The following ZCWPW2 variants were observed in gnomAD, a reference collection of about 807,000 sequenced individuals.
ZCWPW2 encodes zinc finger CW-type and PWWP domain containing 2.
A neutral mutation model predicts 46.6 loss-of-function variants in ZCWPW2; 45 were observed. That is an observed-to-expected ratio of 0.96 (90% CI 0.76 to 1.24). The LOEUF (loss-of-function observed/expected upper bound fraction) is 1.24, where lower values mean the gene tolerates loss of function less well. ZCWPW2 is among the 50% of genes most tolerant of loss of function. The pLI is 0.00. For missense variants in ZCWPW2, 429 were observed against 403.9 expected (o/e 1.06, Z -0.53); for synonymous variants, 152 against 137.1 (o/e 1.11, Z -0.76).
chr3:28,413,659 C>G (rs1696502031), intron 3 of ZCWPW2, among the ~76,000 whole-genome samples: 1 of 151,990 alleles, frequency 6.6e-6, no homozygotes, highest in African/African-American at 2.4e-5. Context: ...TAGCTTCCTC[C>G]TACAAATTTT....
In ZCWPW2 at chr3:28,424,780, C is replaced by G. The variant is rs1465866617; in HGVS notation, c.333-10330C>G. Among the ~76,000 whole-genome samples, 3 of 152,022 alleles carry G rather than the reference C, an allele frequency of 2.0e-5. No individual in the cohort carries two copies. The East Asian group carries it at 5.8e-4, about 29-fold the overall frequency. ...TGTTACTGAGGGCTTTTCTGAAGAT[C>G]AAATGTGATAATGTTGTTTAAAAAT... On this transcript the variant is annotated intron_variant, in intron 3 of 9. Coordinates refer to ENST00000383768, the MANE Select transcript of ZCWPW2 (RefSeq NM_001040432.4).
At chr3:28,510,975 C>A (rs545678453) in intron 6 of ZCWPW2, 1 of 442,230 alleles carries the variant, frequency 2.3e-6, no homozygotes, top group African/African-American at 2.0e-5. Context: ...TGAGTCTCTA[C>A]CACCTGGTAG....
At chr3:28,396,705 A>C (rs1358686178) in intron 2 of ZCWPW2, among the ~76,000 whole-genome samples, 1 of 152,242 alleles carries the variant, frequency 6.6e-6, no homozygotes, top group Non-Finnish European at 1.5e-5. Context: ...TTGTAGAGCG[A>C]AAGTATGACA....
intron 4 of ZCWPW2, among the ~76,000 whole-genome samples, chr3:28,476,367 A>C (rs1379447428): frequency 2.0e-5 from 3 of 152,106 alleles, no homozygotes; most frequent in African/African-American, 7.2e-5. Flanking sequence ...GTTCCTTAGG[A>C]GGTTTTAATT....
intron 6 of ZCWPW2, among the ~76,000 whole-genome samples, chr3:28,510,107 A>G (rs929316787): frequency 1.3e-5 from 2 of 152,210 alleles, no homozygotes; most frequent in African/African-American, 4.8e-5. Context: ...GCTAAAAATC[A>G]GTTGACCATA....
At chr3:28,351,041 G>T (rs1382713860) in intron 1 of ZCWPW2, among the ~76,000 whole-genome samples, 3 of 151,464 alleles carry the variant, frequency 2.0e-5, no homozygotes, top group Non-Finnish European at 4.4e-5. Flanking sequence ...AAAAAGCTGT[G>T]TCCAAGGCCA....
chr3:28,359,901 C>A (rs1021285176), intron 1 of ZCWPW2, among the ~76,000 whole-genome samples: 1 of 152,006 alleles, frequency 6.6e-6, no homozygotes, highest in East Asian at 1.9e-4. Context: ...TTCATTTGGT[C>A]ACTTCTCATG....
At chr3:28,464,177 C>T (rs1303456376) in intron 4 of ZCWPW2, among the ~76,000 whole-genome samples, 1 of 151,708 alleles carries the variant, frequency 6.6e-6, no homozygotes, top group East Asian at 1.9e-4. Flanking sequence ...TGTCTTGGAG[C>T]TTGAGCAATA....
At chr3:28,390,467 A>C in intron 1 of ZCWPW2, 31 bp from the exon 2 acceptor site, 1 of 984,698 alleles carries the variant, frequency 1.0e-6, no homozygotes, top group Non-Finnish European at 1.2e-6. Flanking sequence ...TATAGTTTTA[A>C]ATTTGCTAGA....
chr3:28,458,837 A>G (rs992885088), intron 4 of ZCWPW2, among the ~76,000 whole-genome samples: 2 of 152,204 alleles, frequency 1.3e-5, no homozygotes, highest in African/African-American at 4.8e-5. Context: ...TCTTTTCGTC[A>G]TGCTTAGCGC....
At chr3:28,506,431 T>C (rs1700280877) in intron 6 of ZCWPW2, among the ~76,000 whole-genome samples, 1 of 151,992 alleles carries the variant, frequency 6.6e-6, no homozygotes, top group South Asian at 2.1e-4. Flanking sequence ...TGAATAGTAC[T>C]AGGCTAGACA....
At chr3:28,374,782 C>T (rs919159785) in intron 1 of ZCWPW2, among the ~76,000 whole-genome samples, 1 of 151,858 alleles carries the variant, frequency 6.6e-6, no homozygotes, top group Non-Finnish European at 1.5e-5. Context: ...GATTGTTCAC[C>T]GTTGGCATAT....
intron 4 of ZCWPW2, among the ~76,000 whole-genome samples, chr3:28,456,067 C>G (rs1260606958): frequency 6.6e-6 from 1 of 152,142 alleles, no homozygotes; most frequent in African/African-American, 2.4e-5. Flanking sequence ...CTATAACTTA[C>G]TTTGGTCAGT....
chr3:28,449,860 A>G (rs550102362), intron 4 of ZCWPW2, among the ~76,000 whole-genome samples: 7 of 152,296 alleles, frequency 4.6e-5, no homozygotes, highest in East Asian at 3.9e-4. Context: ...TAGTAGGTAC[A>G]TATCTGTGGA....
chr3:28,355,108 C>A lies in ZCWPW2; in HGVS notation c.-134+5905C>A, dbSNP rs141045812. 1.3e-3 allele frequency among the ~76,000 whole-genome samples: 203 copies of A among 152,252 alleles called. 4 individuals are homozygous for A. The East Asian group carries it at 0.034, about 26-fold the overall frequency. ...TGATTGTATATCTAGAAAACCCTAT[C>A]GTCTCAGCCCAAAATCTCCTTAAGC... On this transcript the variant is annotated intron_variant, in intron 1 of 9. Coordinates refer to ENST00000383768, the MANE Select transcript of ZCWPW2 (RefSeq NM_001040432.4).
intron 4 of ZCWPW2, among the ~76,000 whole-genome samples, chr3:28,451,991 C>T (rs1698242012): frequency 6.6e-6 from 1 of 152,100 alleles, no homozygotes; most frequent in Admixed American, 6.5e-5. Context: ...TAGATTCAAC[C>T]TTTGTTTGTT....
chr3:28,406,827 T>C (rs1383700767), intron 2 of ZCWPW2, among the ~76,000 whole-genome samples: 31 of 31,130 alleles, frequency 1.0e-3, no homozygotes, highest in African/African-American at 3.3e-3. Context: ...CTTTTTTTTC[T>C]TTTTTTTTTT....
At chr3:28,390,700 G>A in intron 2 of ZCWPW2, 83 bp downstream of exon 2, 2 of 944,688 alleles carry the variant, frequency 2.1e-6, no homozygotes, top group Non-Finnish European at 2.5e-6. Context: ...TTGCATATAT[G>A]CAATTTTAAA....
chr3:28,407,831 T>C, intron 2 of ZCWPW2, among the ~76,000 whole-genome samples: 1 of 152,244 alleles, frequency 6.6e-6, no homozygotes, highest in East Asian at 1.9e-4. Context: ...ATTGTCTTTA[T>C]GAACTAATTC....
Sources: allele counts gnomAD v4.1 joint callset (sites outside exome capture counted in the v4.1 genomes callset), GRCh38; gene constraint gnomAD v4.1.1; transcripts MANE v1.5; gene names NCBI Gene and HGNC (gene_info 2026-07-23, HGNC 2026-07-21).